OPRD1: variants seen among roughly 807,000 people sequenced by gnomAD.
OPRD1 encodes opioid receptor delta 1, also known as delta-type opioid receptor.
A neutral mutation model predicts 17.5 loss-of-function variants in OPRD1; 19 were observed. The observed-to-expected ratio is 1.09, with a 90% confidence interval of 0.76 to 1.60. The LOEUF (loss-of-function observed/expected upper bound fraction) is 1.60. Ranked by LOEUF, OPRD1 falls within the 40% of genes most tolerant of loss-of-function variation. The probability of loss-of-function intolerance (pLI) is 0.00; values close to 1 mark genes in which losing one functional copy is unlikely to be tolerated. For missense variants in OPRD1, 483 were observed against 547.2 expected (o/e 0.88, Z 1.17); for synonymous variants, 256 against 240.9 (o/e 1.06, Z -0.58).
At chr1:28,843,613 CCTT>C (rs371320025) in intron 1 of OPRD1, among the ~76,000 whole-genome samples, 54 of 152,142 alleles carry the variant, frequency 3.5e-4, no homozygotes, top group Middle Eastern at 3.4e-3. Context: ...GTCAGAATTT[CCTT>C]CTTCTTCTTT....
chr1:28,833,723 C>G (rs2088826403), intron 1 of OPRD1, among the ~76,000 whole-genome samples: 1 of 152,180 alleles, frequency 6.6e-6, no homozygotes, highest in African/African-American at 2.4e-5. Flanking sequence ...GGGCTTGAGT[C>G]CTGGTACTAC....
chr1:28,851,395 C>A (rs1288400819), intron 1 of OPRD1, among the ~76,000 whole-genome samples: 1 of 152,186 alleles, frequency 6.6e-6, no homozygotes, highest in Admixed American at 6.5e-5. Flanking sequence ...TTCAGACAAG[C>A]AAGGGTGTAA....
intron 1 of OPRD1, among the ~76,000 whole-genome samples, chr1:28,831,107 CT>C (rs2088805182): frequency 6.6e-6 from 1 of 152,240 alleles, no homozygotes. Flanking sequence ...TACCCCACAT[CT>C]AGTGATTTTC....
intron 1 of OPRD1, among the ~76,000 whole-genome samples, chr1:28,845,606 A>AAAAG: frequency 6.6e-6 from 1 of 152,256 alleles, no homozygotes; most frequent in East Asian, 1.9e-4. Flanking sequence ...AAAGAGGAAA[A>AAAAG]AAAGAAAGAA....
intron 1 of OPRD1, among the ~76,000 whole-genome samples, chr1:28,830,169 G>A (rs112811244): frequency 0.1 from 15,151 of 152,028 alleles, 934 homozygotes; most frequent in Middle Eastern, 0.18. Flanking sequence ...TATCAATTAA[G>A]TTCATCCTCT....
chr1:28,850,796 A>G (rs1194009936), intron 1 of OPRD1, among the ~76,000 whole-genome samples: 1 of 65,282 alleles, frequency 1.5e-5, no homozygotes, highest in Admixed American at 1.5e-4. Flanking sequence ...TAATAATAAT[A>G]ATAATAATAA....
intron 1 of OPRD1, among the ~76,000 whole-genome samples, chr1:28,853,937 T>C (rs2089032302): frequency 6.6e-6 from 1 of 151,846 alleles, no homozygotes; most frequent in African/African-American, 2.4e-5. Flanking sequence ...GATAGGGTTT[T>C]TCCATGTTGT....
At chr1:28,859,382 C>G (rs887937054) in intron 2 of OPRD1, 79 bp downstream of exon 2, 20 of 1,267,438 alleles carry the variant, frequency 1.6e-5, no homozygotes, top group Admixed American at 2.2e-5. Flanking sequence ...TTGCAGGGCA[C>G]TTACCAGGGT....
At position 28,866,026 on chromosome 1, in the gene OPRD1, G is replaced by A. The variant is rs1006475051; in HGVS notation, c.*2743G>A. 4 of 152,160 alleles carry A rather than the reference G, an allele frequency of 2.6e-5. No individual in the cohort carries two copies. Among genetic ancestry groups the A allele is most frequent in the African/African-American group, 9.7e-5 (4 of 41,416 alleles). The allele number at this position is 152,160 out of a possible 1,614,324, so 9.4% of individuals were successfully genotyped here. A position where few individuals can be genotyped will look rare whatever the true frequency, so the allele number is the denominator to read the frequency against. On this transcript the variant is annotated 3_prime_UTR_variant, in exon 3 of 3. Coordinates refer to ENST00000234961, the MANE Select transcript of OPRD1 (RefSeq NM_000911.4). Reference sequence around the variant, plus strand: ...GTAAATCTGTCCTGAGGTCAGCAGGGCCCGGGTCCGGACCACGTGTGTTTA... The same window carrying A: ...GTAAATCTGTCCTGAGGTCAGCAGGACCCGGGTCCGGACCACGTGTGTTTA...
In OPRD1 at chr1:28,863,324, C is replaced by T. The variant is rs931433616; in HGVS notation, c.*41C>T. 6 of 1,404,686 alleles carry T rather than the reference C, an allele frequency of 4.3e-6. No homozygotes were observed. The highest frequency in any genetic ancestry group is 5.5e-6 in the Non-Finnish European group (6 of 1,089,450). The allele number at this position is 1,404,686 out of a possible 1,614,324, so 87.0% of individuals were successfully genotyped here. On this transcript the variant is annotated 3_prime_UTR_variant, in exon 3 of 3. Coordinates refer to ENST00000234961, the MANE Select transcript of OPRD1 (RefSeq NM_000911.4). ...CCCAGAGCGCCCCTCCCTAGTGACC[C>T]GGAGGCCACATGAGTCCCAGTGGGA...
At chr1:28,827,506 C>T (rs1429584816) in intron 1 of OPRD1, among the ~76,000 whole-genome samples, 4 of 151,780 alleles carry the variant, frequency 2.6e-5, no homozygotes, top group Non-Finnish European at 4.4e-5. Context: ...CAAGAAACCA[C>T]TTTCTTGCTC....
chr1:28,831,992 A>G (rs2088811640), intron 1 of OPRD1, among the ~76,000 whole-genome samples: 1 of 152,210 alleles, frequency 6.6e-6, no homozygotes, highest in African/African-American at 2.4e-5. Context: ...CTCAGAGATG[A>G]TAATTCACTT....
intron 1 of OPRD1, among the ~76,000 whole-genome samples, chr1:28,833,194 A>G (rs989868725): frequency 6.6e-6 from 1 of 152,216 alleles, no homozygotes; most frequent in African/African-American, 2.4e-5. Context: ...AGACTCAGAG[A>G]TGAAAGACTT....
chr1:28,833,331 G>C (rs1049207820), intron 1 of OPRD1, among the ~76,000 whole-genome samples: 1 of 152,192 alleles, frequency 6.6e-6, no homozygotes, highest in African/African-American at 2.4e-5. Flanking sequence ...CCTAGAGCGT[G>C]GGCTTTGGGT....
At chr1:28,834,745 C>G (rs750486105) in intron 1 of OPRD1, among the ~76,000 whole-genome samples, 1 of 152,114 alleles carries the variant, frequency 6.6e-6, no homozygotes, top group Non-Finnish European at 1.5e-5. Context: ...TTGTTGGGAT[C>G]TATAATAAAA....
chr1:28,847,609 G>A (rs1336642263), intron 1 of OPRD1, among the ~76,000 whole-genome samples: 1 of 151,952 alleles, frequency 6.6e-6, no homozygotes. Context: ...TGAGGTGGGT[G>A]GATTGCTTGA....
Position 28,865,086 on chromosome 1 carries a change from T to C in OPRD1, c.*1803T>C, listed in dbSNP as rs984867663. 1 of 151,596 alleles carries C rather than the reference T, an allele frequency of 6.6e-6. No individual in the cohort carries two copies. The highest frequency in any genetic ancestry group is 2.4e-5 in the African/African-American group (1 of 41,138). The allele number at this position is 151,596 out of a possible 1,614,324, so 9.4% of individuals were successfully genotyped here. ...ATCCACCTGGAGTTGGGTGTAGAAG[T>C]TTTTCTTTTCATTGGTTCGGCATTT... On this transcript the variant is annotated 3_prime_UTR_variant, in exon 3 of 3. Coordinates refer to ENST00000234961, the MANE Select transcript of OPRD1 (RefSeq NM_000911.4).
intron 1 of OPRD1, among the ~76,000 whole-genome samples, chr1:28,838,122 T>G (rs1195611418): frequency 2.0e-5 from 3 of 151,924 alleles, no homozygotes; most frequent in Non-Finnish European, 4.4e-5. Flanking sequence ...AAGCACTGAG[T>G]CCACATAGCT....
intron 1 of OPRD1, among the ~76,000 whole-genome samples, chr1:28,817,920 A>G (rs1408130918): frequency 1.3e-5 from 2 of 150,346 alleles, no homozygotes; most frequent in Non-Finnish European, 3.0e-5. Context: ...GGGTTTCACC[A>G]TGTTGGCCAG....
Sources: allele counts gnomAD v4.1 joint callset (sites outside exome capture counted in the v4.1 genomes callset), GRCh38; gene constraint gnomAD v4.1.1; transcripts MANE v1.5; gene names NCBI Gene and HGNC (gene_info 2026-07-23, HGNC 2026-07-21).